Variants in ZNRF1 observed in about 807,000 individuals in gnomAD.
ZNRF1 encodes E3 ubiquitin-protein ligase ZNRF1.
Under a neutral mutation model 18.4 loss-of-function variants are expected in ZNRF1, and 3 were observed. The observed-to-expected ratio is 0.16, with a 90% CI of 0.07 to 0.42. The LOEUF (loss-of-function observed/expected upper bound fraction) is 0.42, where lower values mean the gene tolerates loss of function less well. Among genes scored for constraint, ZNRF1 ranks in the 10% least tolerant of loss-of-function variants. The pLI is 0.99. For missense variants in ZNRF1, 310 were observed against 329.8 expected (o/e 0.94, Z 0.47); for synonymous variants, 157 against 144.2 (o/e 1.09, Z -0.64).
intron 1 of ZNRF1, among the ~76,000 whole-genome samples, chr16:75,079,825 C>T (rs930326244): frequency 1.3e-5 from 2 of 152,232 alleles, no homozygotes. Context: ...GACAGGGTAC[C>T]AGGACTGGGT....
At chr16:75,054,778 C>T (rs532766093) in intron 1 of ZNRF1, among the ~76,000 whole-genome samples, 90 of 152,342 alleles carry the variant, frequency 5.9e-4, no homozygotes, top group African/African-American at 2.1e-3. Context: ...TCACGTGGAG[C>T]GTGGCTTCTC....
At chr16:75,023,818 C>G (rs957358195) in intron 1 of ZNRF1, among the ~76,000 whole-genome samples, 1 of 151,982 alleles carries the variant, frequency 6.6e-6, no homozygotes, top group African/African-American at 2.4e-5. Flanking sequence ...ATTTACCTCA[C>G]TGTTTATTAT....
chr16:75,009,399 G>A (rs1350754244), intron 1 of ZNRF1, among the ~76,000 whole-genome samples: 3 of 152,160 alleles, frequency 2.0e-5, no homozygotes, highest in Non-Finnish European at 4.4e-5. Context: ...TTTTGTGGCT[G>A]TCCTATTTCA....
intron 1 of ZNRF1, among the ~76,000 whole-genome samples, chr16:75,088,487 G>A (rs141861392): frequency 1.6e-3 from 250 of 152,328 alleles, no homozygotes; most frequent in African/African-American, 5.8e-3. Flanking sequence ...AGTTAGCCCG[G>A]ACTATGGGGC....
chr16:75,067,971 A>G (rs2035825021), intron 1 of ZNRF1, among the ~76,000 whole-genome samples: 1 of 152,198 alleles, frequency 6.6e-6, no homozygotes, highest in African/African-American at 2.4e-5. Context: ...TCATGTATTT[A>G]TCCTGCTTAA....
chr16:75,020,223 C>G (rs1021966413), intron 1 of ZNRF1, among the ~76,000 whole-genome samples: 1 of 152,028 alleles, frequency 6.6e-6, no homozygotes, highest in Non-Finnish European at 1.5e-5. Flanking sequence ...TTAATGTCAG[C>G]TTTCTTTTTG....
chr16:75,101,694 C>T (rs1047575075), intron 2 of ZNRF1, among the ~76,000 whole-genome samples: 143 of 152,352 alleles, frequency 9.4e-4, no homozygotes, highest in African/African-American at 3.2e-3. Flanking sequence ...GCTTCCTTAT[C>T]AGGGTTTTTA....
intron 1 of ZNRF1, among the ~76,000 whole-genome samples, chr16:75,006,838 A>G (rs1240619689): frequency 6.6e-6 from 1 of 152,144 alleles, no homozygotes; most frequent in Admixed American, 6.5e-5. Context: ...AGTAATTACC[A>G]TGGGTTCAGT....
chr16:75,076,792 G>A (rs1194015138), intron 1 of ZNRF1, among the ~76,000 whole-genome samples: 2 of 151,542 alleles, frequency 1.3e-5, no homozygotes, highest in African/African-American at 4.8e-5. Context: ...AAGAGGTCGT[G>A]AGTGTGGTGC....
intron 1 of ZNRF1, among the ~76,000 whole-genome samples, chr16:75,064,505 A>G (rs895947098): frequency 1.3e-5 from 2 of 151,684 alleles, no homozygotes; most frequent in African/African-American, 4.9e-5. Context: ...GCAGTGAGCC[A>G]AGATCGTGCC....
chr16:75,089,912 A>C (rs1473982716), intron 1 of ZNRF1, among the ~76,000 whole-genome samples: 3 of 152,176 alleles, frequency 2.0e-5, no homozygotes, highest in African/African-American at 4.8e-5. Context: ...GATAACCTTG[A>C]ATCTGTTCTG....
At chr16:75,086,801 C>T (rs2036080286) in intron 1 of ZNRF1, among the ~76,000 whole-genome samples, 1 of 152,208 alleles carries the variant, frequency 6.6e-6, no homozygotes, top group African/African-American at 2.4e-5. Flanking sequence ...GAGTTACCCT[C>T]ATCTACCCCT....
intron 1 of ZNRF1, among the ~76,000 whole-genome samples, chr16:75,048,824 C>T (rs1294108830): frequency 2.0e-5 from 3 of 152,240 alleles, no homozygotes; most frequent in Admixed American, 6.5e-5. Context: ...GCGCAGATCT[C>T]GTTTCCCAGT....
intron 2 of ZNRF1, among the ~76,000 whole-genome samples, chr16:75,103,652 G>A (rs2036278218): frequency 6.6e-6 from 1 of 152,212 alleles, no homozygotes; most frequent in Non-Finnish European, 1.5e-5. Flanking sequence ...AGAGGATAGA[G>A]CATATGTTAG....
chr16:75,087,289 G>A (rs1377420788), intron 1 of ZNRF1, among the ~76,000 whole-genome samples: 1 of 152,160 alleles, frequency 6.6e-6, no homozygotes, highest in African/African-American at 2.4e-5. Context: ...CCTAACAGTG[G>A]GCTTACCCTG....
chr16:75,109,785 G>A lies in ZNRF1; in HGVS notation c.*2085G>A, dbSNP rs1445770126. The A allele has an allele frequency of 6.6e-6, 1 of 152,300 alleles. No homozygotes were observed. Among genetic ancestry groups the A allele is most frequent in the Non-Finnish European group, 1.5e-5 (1 of 68,096 alleles). 9.4% of individuals were successfully genotyped at this position (152,300 alleles called of 1,614,324 possible). A position where few individuals can be genotyped will look rare whatever the true frequency, so the allele number is the denominator to read the frequency against. Reference sequence around the variant, plus strand: ...TCAGAGGTCCCTGTGGGGGCTGGGGGAGCTGCCCTGCAGGTCTTGGCACAT... The same window carrying A: ...TCAGAGGTCCCTGTGGGGGCTGGGGAAGCTGCCCTGCAGGTCTTGGCACAT... On this transcript the variant is annotated 3_prime_UTR_variant, in exon 5 of 5. Transcript: ENST00000335325.
intron 1 of ZNRF1, among the ~76,000 whole-genome samples, chr16:75,078,462 C>T (rs1277584482): frequency 6.6e-5 from 10 of 152,034 alleles, no homozygotes; most frequent in Non-Finnish European, 1.0e-4. Context: ...CCATGCCCGG[C>T]TAACTTTTGT....
At chr16:75,033,367 C>T (rs958858592) in intron 1 of ZNRF1, among the ~76,000 whole-genome samples, 15 of 150,760 alleles carry the variant, frequency 9.9e-5, no homozygotes, top group African/African-American at 2.4e-4. Context: ...TTGCAACTTC[C>T]AATTCATGAA....
At position 75,104,902 on chromosome 16, in the gene ZNRF1, G is replaced by A. The variant is rs922550508; in HGVS notation, c.626+13G>A. The stretch of plus-strand genomic sequence containing the variant: ...TCTATCACAAAAGGTAGGAGGGGTT[G>A]GCAAGGTAGCTTAGTGCACCCCACC... On this transcript the variant is annotated intron_variant, in intron 3 of 4. Transcript: ENST00000335325. 1.3e-6 allele frequency: 2 copies of A among 1,582,784 alleles called. No homozygotes were observed. Among genetic ancestry groups the A allele is most frequent in the Non-Finnish European group, 1.7e-6 (2 of 1,163,926 alleles).
Sources: allele counts gnomAD v4.1 joint callset (sites outside exome capture counted in the v4.1 genomes callset), GRCh38; gene constraint gnomAD v4.1.1; transcripts MANE v1.5; gene names NCBI Gene and HGNC (gene_info 2026-07-23, HGNC 2026-07-21).